LAMA2: variants seen among roughly 807,000 people sequenced by gnomAD.
LAMA2 encodes the protein laminin subunit alpha-2.
Under a neutral mutation model 364.8 loss-of-function variants are expected in LAMA2, and 269 were observed. The observed-to-expected ratio is 0.74, with a 90% CI of 0.67 to 0.82. The LOEUF (loss-of-function observed/expected upper bound fraction) is 0.82, where lower values mean the gene tolerates loss of function less well. LAMA2 is among the 40% of genes least tolerant of loss of function. The pLI, the probability that LAMA2 is intolerant of heterozygous loss-of-function variation, is 0.00. For synonymous variants in LAMA2, 1,379 were observed against 1,370.6 expected, an observed-to-expected ratio of 1.01 and a Z score of -0.14; for missense variants, 3,807 against 3,873.2, an observed-to-expected ratio of 0.98 and a Z score of 0.45.
intron 48 of LAMA2, among the ~76,000 whole-genome samples, chr6:129,458,591 T>C (rs913015205): frequency 1.3e-5 from 2 of 151,860 alleles, no homozygotes; most frequent in African/African-American, 4.8e-5. Context: ...AATCAATCTC[T>C]AGAAAATTAA....
At position 129,251,062 on chromosome 6, in the gene LAMA2, CTCTCTCTCTCTCTCTATA is replaced by C. The variant is rs1380188149; in HGVS notation, c.1884+851_1884+868del. On this transcript the variant is annotated intron_variant, in intron 13 of 64. Coordinates refer to ENST00000421865, the MANE Select transcript of LAMA2 (RefSeq NM_000426.4). ...TCTTTCTCTCTCTCTCTCTCTCTCT[CTCTCTCTCTCTCTCTATA>C]TATATATATATATATATATATATAT... is the stretch of plus-strand genomic sequence containing the variant. 1.3e-3 allele frequency among the ~76,000 whole-genome samples: 90 copies of C among 71,248 alleles called. No individual in the cohort carries two copies. The East Asian group carries it at 0.016, about 13-fold the overall frequency. 46.7% of individuals were successfully genotyped at this position (71,248 alleles called of 152,430 possible).
At chr6:129,505,515 T>C (rs1785988317) in intron 61 of LAMA2, among the ~76,000 whole-genome samples, 160 bp downstream of exon 61, 1 of 152,086 alleles carries the variant, frequency 6.6e-6, no homozygotes, top group African/African-American at 2.4e-5. Flanking sequence ...TATTTGTTTG[T>C]TTGTTTGTTT....
intron 11 of LAMA2, 36 bp downstream of exon 11, chr6:129,190,381 A>C: frequency 1.2e-6 from 2 of 1,605,836 alleles, no homozygotes; most frequent in Non-Finnish European, 1.7e-6. Flanking sequence ...TTGCTGCCCC[A>C]GCAGCCTTCT....
At chr6:129,084,028 A>ACACTCTATATTAACACTCTATATTAAC in intron 3 of LAMA2, among the ~76,000 whole-genome samples, 1 of 152,214 alleles carries the variant, frequency 6.6e-6, no homozygotes, top group Admixed American at 6.5e-5. Context: ...ACCTAAGTTA[A>ACACTCTATATTAACACTCTATATTAAC]AGGCCGGCAC....
At chr6:129,321,231 A>C (rs1457434350) in intron 28 of LAMA2, among the ~76,000 whole-genome samples, 1 of 152,174 alleles carries the variant, frequency 6.6e-6, no homozygotes, top group African/African-American at 2.4e-5. Flanking sequence ...CAAGATTGTC[A>C]AATTTCTTAG....
chr6:129,452,983 TA>T lies in LAMA2; in HGVS notation c.6430-2del, dbSNP rs772800652. The T allele has an allele frequency of 6.2e-7, 1 of 1,611,586 alleles. No individual in the cohort carries two copies. The highest frequency in any genetic ancestry group is 2.2e-5 in the East Asian group (1 of 44,700). The stretch of plus-strand genomic sequence containing the variant: ...TTGGTTCTTTGTATCTTGTTTTTTT[TA>T]AAGATCAAAGTATCTGTGTCTTCAG... On this transcript the variant is annotated splice_region_variant and splice_polypyrimidine_tract_variant and intron_variant, in intron 45 of 64. Coordinates refer to ENST00000421865, the MANE Select transcript of LAMA2 (RefSeq NM_000426.4).
intron 12 of LAMA2, among the ~76,000 whole-genome samples, chr6:129,242,192 G>A (rs916911239): frequency 6.6e-6 from 1 of 152,104 alleles, no homozygotes; most frequent in African/African-American, 2.4e-5. Context: ...TGCAACAGAA[G>A]TAGAAAGGGC....
chr6:129,408,158 C>T (rs1663694603), intron 40 of LAMA2, among the ~76,000 whole-genome samples: 1 of 152,048 alleles, frequency 6.6e-6, no homozygotes, highest in Non-Finnish European at 1.5e-5. Flanking sequence ...TGAGTGGTGC[C>T]ACTTCCGCTT....
intron 32 of LAMA2, among the ~76,000 whole-genome samples, chr6:129,360,159 G>T (rs958305920): frequency 1.3e-5 from 2 of 152,082 alleles, no homozygotes; most frequent in Non-Finnish European, 2.9e-5. Context: ...GGTTTGGAAA[G>T]GTTCTTTGAG....
At chr6:129,205,478 G>GTGTATATATATATATATATA (rs1554244007) in intron 12 of LAMA2, among the ~76,000 whole-genome samples, 2 of 116,422 alleles carry the variant, frequency 1.7e-5, no homozygotes. Flanking sequence ...TATTCTGTAA[G>GTGTATATATATATATATATA]TATATATATA....
intron 4 of LAMA2, among the ~76,000 whole-genome samples, chr6:129,129,846 C>T (rs1300884503): frequency 1.3e-5 from 2 of 148,660 alleles, no homozygotes; most frequent in Non-Finnish European, 3.0e-5. Context: ...ATGGCGTGAA[C>T]CCGGGAGGCG....
chr6:129,492,255 T>C, intron 57 of LAMA2, 60 bp from the exon 58 acceptor site: 1 of 1,562,642 alleles, frequency 6.4e-7, no homozygotes, highest in Admixed American at 1.7e-5. Flanking sequence ...GGGATTGGGC[T>C]TAATTGTAAG....
intron 8 of LAMA2, chr6:129,159,213 C>T: frequency 8.9e-7 from 1 of 1,126,220 alleles, no homozygotes; most frequent in Non-Finnish European, 1.4e-6. Flanking sequence ...GTGAGATTTT[C>T]TTGTAAAAGA....
At chr6:129,454,778 A>G (rs1430244140) in intron 47 of LAMA2, among the ~76,000 whole-genome samples, 1 of 152,208 alleles carries the variant, frequency 6.6e-6, no homozygotes, top group Non-Finnish European at 1.5e-5. Flanking sequence ...TGATTCAGTT[A>G]TTCTATCTTT....
chr6:129,356,069 G>A (rs559106753), intron 32 of LAMA2, among the ~76,000 whole-genome samples: 90 of 152,178 alleles, frequency 5.9e-4, no homozygotes, highest in African/African-American at 2.1e-3. Context: ...TGGACACCTT[G>A]GTCCCTAAAA....
intron 12 of LAMA2, among the ~76,000 whole-genome samples, chr6:129,222,244 C>A (rs1025331128): frequency 5.3e-5 from 8 of 152,054 alleles, no homozygotes; most frequent in Non-Finnish European, 1.0e-4. Context: ...GATAGTATAT[C>A]ATAAATCAAG....
chr6:129,212,285 A>C (rs1200793694), intron 12 of LAMA2, among the ~76,000 whole-genome samples: 3 of 152,196 alleles, frequency 2.0e-5, no homozygotes, highest in African/African-American at 4.8e-5. Context: ...CATAGAAACA[A>C]AGAATTTGAA....
intron 1 of LAMA2, among the ~76,000 whole-genome samples, chr6:129,005,446 T>A (rs906047703): frequency 1.3e-5 from 2 of 152,006 alleles, no homozygotes; most frequent in African/African-American, 4.8e-5. Flanking sequence ...TATAAAATAA[T>A]ATCAAAGAAA....
intron 27 of LAMA2, among the ~76,000 whole-genome samples, chr6:129,320,315 G>A (rs959182451): frequency 2.0e-5 from 3 of 152,088 alleles, no homozygotes; most frequent in African/African-American, 7.2e-5. Flanking sequence ...GGTAGCAGAC[G>A]TGGAAGAAAA....
Sources: gnomAD v4.1 joint callset for allele counts (sites outside exome capture counted in the v4.1 genomes callset) on GRCh38, gnomAD v4.1.1 for gene constraint, MANE v1.5 for transcripts, NCBI Gene and HGNC (gene_info 2026-07-23, HGNC 2026-07-21) for gene names.